The following RIT2 variants were observed in gnomAD, a reference collection of about 807,000 sequenced individuals.
RIT2 encodes Ras like without CAAX 2, also known as GTP-binding protein Rit2.
A neutral mutation model predicts 23.7 loss-of-function variants in RIT2; 24 were observed. The observed-to-expected ratio is 1.01, with a 90% CI of 0.73 to 1.43. The LOEUF is 1.43. Among genes scored for constraint, RIT2 ranks in the 40% most tolerant of loss-of-function variants. The pLI, the probability that RIT2 is intolerant of heterozygous loss-of-function variation, is 0.00. For synonymous variants in RIT2, 107 were observed against 91.1 expected (o/e 1.17, Z -0.99); for missense variants, 236 against 266.9 (o/e 0.88, Z 0.81).
At chr18:42,853,510 A>G (rs1330397914) in intron 4 of RIT2, among the ~76,000 whole-genome samples, 1 of 152,352 alleles carries the variant, frequency 6.6e-6, no homozygotes, top group African/African-American at 2.4e-5. Flanking sequence ...GCACGTTAAA[A>G]GCATGAAACT....
At chr18:43,076,962 C>G (rs4243268) in intron 1 of RIT2, among the ~76,000 whole-genome samples, 139,970 of 150,396 alleles carry the variant, frequency 0.93, 65,922 homozygotes, top group East Asian at 1. Context: ...AATTAGCCGG[C>G]CGTAGTGGCG....
chr18:42,752,053 GT>G (rs1913058270), intron 4 of RIT2, among the ~76,000 whole-genome samples: 1 of 151,746 alleles, frequency 6.6e-6, no homozygotes, highest in Non-Finnish European at 1.5e-5. Flanking sequence ...AAGAATTTGA[GT>G]CCAAACATGT....
intron 3 of RIT2, among the ~76,000 whole-genome samples, chr18:42,956,576 A>T (rs1909975179): frequency 6.6e-6 from 1 of 152,158 alleles, no homozygotes. Flanking sequence ...AAGTCTAATG[A>T]CCTAATGATT....
chr18:43,067,355 G>A (rs1912794721), intron 1 of RIT2, among the ~76,000 whole-genome samples: 1 of 152,150 alleles, frequency 6.6e-6, no homozygotes. Flanking sequence ...GAGTGGCCAT[G>A]CACACGACAC....
intron 3 of RIT2, among the ~76,000 whole-genome samples, chr18:42,958,785 T>C (rs1035138638): frequency 1.3e-5 from 2 of 152,156 alleles, no homozygotes; most frequent in Non-Finnish European, 2.9e-5. Context: ...ATCCTTTGCC[T>C]GAAATTCTGT....
chr18:42,743,694 A>G lies in RIT2; in HGVS notation c.453T>C (p.Leu151=). The change falls in exon 5 of 5, where the codon CTT becomes CTC. Residue 151 remains leucine, a synonymous_variant. Coordinates refer to ENST00000326695, the MANE Select transcript of RIT2 (RefSeq NM_002930.4). ...RQVSTEEGLS[L]AQEYNCGFFE... is the part of the protein sequence containing the mutation. ...AAAAACCACAATTATATTCTTGGGCAAGACTCAAGCCTTCTTCTGTAGAAA... is the reference window on the plus strand; with the variant it reads ...AAAAACCACAATTATATTCTTGGGCGAGACTCAAGCCTTCTTCTGTAGAAA... The G allele has an allele frequency of 6.2e-7, 1 of 1,613,674 alleles. No individual in the cohort carries two copies. The highest frequency in any genetic ancestry group is 8.5e-7 in the Non-Finnish European group (1 of 1,179,726).
At chr18:42,944,108 C>A (rs1012649389) in intron 3 of RIT2, among the ~76,000 whole-genome samples, 2 of 152,096 alleles carry the variant, frequency 1.3e-5, no homozygotes, top group African/African-American at 2.4e-5. Flanking sequence ...TAGCTAATGG[C>A]TCCCATGTCC....
chr18:42,987,365 GA>G (rs1910735862), intron 2 of RIT2, among the ~76,000 whole-genome samples: 1 of 152,082 alleles, frequency 6.6e-6, no homozygotes, highest in Admixed American at 6.6e-5. Flanking sequence ...ATTGCCATGG[GA>G]AAAATATTCC....
rs143063746 is a variant in RIT2 at position 43,079,139 on chromosome 18, TAC to T, written c.103+36276_103+36277del. ...GTAGTAGCAAAATAATTTATAGAAA[TAC>T]AGAGCCTTACAAATCATCTAATTCA... On this transcript the variant is annotated intron_variant, in intron 1 of 4. Coordinates refer to ENST00000326695, the MANE Select transcript of RIT2 (RefSeq NM_002930.4). 2.6e-3 allele frequency among the ~76,000 whole-genome samples: 401 copies of T among 152,346 alleles called. 2 individuals are homozygous for T. The highest frequency in any genetic ancestry group is 9.0e-3 in the African/African-American group (375 of 41,582).
chr18:42,758,441 C>G (rs1421859017), intron 4 of RIT2, among the ~76,000 whole-genome samples: 1 of 151,996 alleles, frequency 6.6e-6, no homozygotes. Context: ...TACTTCAATT[C>G]CTCTCCTTTG....
At chr18:42,790,990 C>T (rs1487898617) in intron 4 of RIT2, among the ~76,000 whole-genome samples, 1 of 152,112 alleles carries the variant, frequency 6.6e-6, no homozygotes, top group African/African-American at 2.4e-5. Context: ...ACACAGAAAT[C>T]CAAGGGAGTG....
At chr18:42,963,020 A>C (rs189953457) in intron 3 of RIT2, among the ~76,000 whole-genome samples, 11 of 152,226 alleles carry the variant, frequency 7.2e-5, no homozygotes, top group African/African-American at 2.2e-4. Context: ...CAAAATCAGC[A>C]TGCTATTTAC....
rs560265632 is a variant in RIT2, at chr18:42,950,183, C to T, written c.234+23891G>A. On this transcript the variant is annotated intron_variant, in intron 3 of 4. Transcript: ENST00000326695. ...TATAAGGCTACAGTAGCCAAAATAT[C>T]ATGGTACTGGTACAAAAACAGTCTA... Among the ~76,000 whole-genome samples the T allele has an allele frequency of 6.6e-4, 100 of 152,172 alleles. No homozygotes were observed. The South Asian group carries it at 0.011, about 17-fold the overall frequency.
At chr18:43,002,869 T>A (rs890428294) in intron 2 of RIT2, among the ~76,000 whole-genome samples, 1 of 151,964 alleles carries the variant, frequency 6.6e-6, no homozygotes, top group African/African-American at 2.4e-5. Context: ...GAGAGATTAT[T>A]CAGGATTATC....
At chr18:43,072,357 C>T (rs993395173) in intron 1 of RIT2, among the ~76,000 whole-genome samples, 5 of 152,064 alleles carry the variant, frequency 3.3e-5, no homozygotes, top group Non-Finnish European at 7.4e-5. Context: ...TCTTCTAAGT[C>T]TTTTTGCGAA....
intron 4 of RIT2, among the ~76,000 whole-genome samples, chr18:42,819,506 T>G (rs1906090172): frequency 6.6e-6 from 1 of 152,106 alleles, no homozygotes; most frequent in Non-Finnish European, 1.5e-5. Flanking sequence ...GTCTTGGTGA[T>G]GTATTCTCCA....
chr18:42,803,734 G>T (rs575135323), intron 4 of RIT2, among the ~76,000 whole-genome samples: 1 of 152,134 alleles, frequency 6.6e-6, no homozygotes, highest in Non-Finnish European at 1.5e-5. Flanking sequence ...GCTGCCCGTG[G>T]TATTTATTAA....
At chr18:42,827,376 C>T (rs1333400769) in intron 4 of RIT2, among the ~76,000 whole-genome samples, 1 of 152,098 alleles carries the variant, frequency 6.6e-6, no homozygotes, top group African/African-American at 2.4e-5. Context: ...ATAAAAAAGA[C>T]TGACTTAAAG....
chr18:42,789,093 G>A (rs182304634), intron 4 of RIT2, among the ~76,000 whole-genome samples: 96 of 152,200 alleles, frequency 6.3e-4, no homozygotes, highest in South Asian at 4.1e-4. Context: ...TATCTTTACC[G>A]TGTGTTGTGA....
Sources: gnomAD v4.1 joint callset for allele counts (sites outside exome capture counted in the v4.1 genomes callset) on GRCh38, gnomAD v4.1.1 for gene constraint, MANE v1.5 for transcripts, NCBI Gene and HGNC (gene_info 2026-07-23, HGNC 2026-07-21) for gene names.